Variants in LTBP1 observed in about 807,000 individuals in gnomAD.
The protein encoded by LTBP1 is latent transforming growth factor beta binding protein 1.
LTBP1 carries 129 observed loss-of-function variants against 207.6 expected under a neutral mutation model. That is an observed-to-expected ratio of 0.62 (90% CI 0.54 to 0.72). LTBP1 has a LOEUF of 0.72. Among genes scored for constraint, LTBP1 ranks in the 30% least tolerant of loss-of-function variants. The probability of loss-of-function intolerance (pLI) is 0.00; values close to 1 mark genes in which losing one functional copy is unlikely to be tolerated. For missense variants in LTBP1, 2,281 were observed against 2,217.2 expected, an observed-to-expected ratio of 1.03 and a Z score of -0.58; for synonymous variants, 963 against 833.7, an observed-to-expected ratio of 1.16 and a Z score of -2.67.
At chr2:33,249,786 G>C (rs74480116) in intron 10 of LTBP1, among the ~76,000 whole-genome samples, 4,299 of 152,250 alleles carry the variant, frequency 0.028, 221 homozygotes, top group African/African-American at 0.097. Context: ...AATAGGATCT[G>C]ACAAAGTACT....
intron 2 of LTBP1, among the ~76,000 whole-genome samples, chr2:32,969,473 G>A (rs923719505): frequency 6.6e-6 from 1 of 151,726 alleles, no homozygotes; most frequent in East Asian, 1.9e-4. Context: ...TCTTCTTTAT[G>A]TCCATGTGTA....
intron 2 of LTBP1, among the ~76,000 whole-genome samples, chr2:32,949,640 GA>G (rs1363609251): frequency 1.3e-5 from 2 of 152,176 alleles, no homozygotes; most frequent in African/African-American, 4.8e-5. Context: ...TCTTCTTGAC[GA>G]ATTGATGCTA....
At chr2:33,276,145 C>T (rs2093422217) in intron 18 of LTBP1, among the ~76,000 whole-genome samples, 1 of 151,996 alleles carries the variant, frequency 6.6e-6, no homozygotes, top group Non-Finnish European at 1.5e-5. Flanking sequence ...TCAATATCTG[C>T]CTCTCTGGTA....
At chr2:33,214,568 C>T (rs1445039911) in intron 7 of LTBP1, among the ~76,000 whole-genome samples, 2 of 152,274 alleles carry the variant, frequency 1.3e-5, no homozygotes, top group African/African-American at 4.8e-5. Flanking sequence ...ATCTGTGGCC[C>T]TGCCGCTGTT....
intron 31 of LTBP1, among the ~76,000 whole-genome samples, chr2:33,366,943 A>G (rs1193495210): frequency 6.6e-6 from 1 of 152,152 alleles, no homozygotes; most frequent in African/African-American, 2.4e-5. Flanking sequence ...CAAAAATCAC[A>G]TGTATTCCTC....
intron 19 of LTBP1, among the ~76,000 whole-genome samples, chr2:33,288,726 GCACCTGTAGTCC>G (rs2093715182): frequency 6.6e-6 from 1 of 151,908 alleles, no homozygotes; most frequent in Non-Finnish European, 1.5e-5. Context: ...GTGCTGGCAG[GCACCTGTAGTCC>G]CAGCTACTCA....
intron 10 of LTBP1, among the ~76,000 whole-genome samples, chr2:33,248,357 C>T (rs956299453): frequency 6.6e-6 from 1 of 152,112 alleles, no homozygotes; most frequent in Non-Finnish European, 1.5e-5. Context: ...AGGGATCTTT[C>T]CAACAGTCAT....
Position 33,243,677 on chromosome 2 carries a change from A to G in LTBP1, c.1892A>G (p.Gln631Arg). ...NTFCQDINECQLQGVCPNGEC... is the reference protein window; with the variant it reads ...NTFCQDINECRLQGVCPNGEC... ...TTTCCTGCAGATATTAATGAATGTC[A>G]GCTACAAGGTGTATGCCCTAATGGT... The change falls in exon 10 of 34, where the codon CAG (glutamine) becomes CGG (arginine). Residue 631 changes from glutamine (Q) to arginine (R), a missense_variant. Transcript: ENST00000404816. 1.9e-6 allele frequency: 3 copies of G among 1,613,674 alleles called. No homozygotes were observed. Among genetic ancestry groups the G allele is most frequent in the Non-Finnish European group, 2.5e-6 (3 of 1,179,822 alleles).
chr2:33,352,281 ACCACCACGCCC>A (rs2094792388), intron 26 of LTBP1, among the ~76,000 whole-genome samples: 1 of 151,970 alleles, frequency 6.6e-6, no homozygotes. Flanking sequence ...ATAGGAGCAT[ACCACCACGCCC>A]GGCTAATTTT....
intron 31 of LTBP1, among the ~76,000 whole-genome samples, chr2:33,382,157 C>T (rs868028040): frequency 1.6e-5 from 2 of 121,828 alleles, no homozygotes; most frequent in Admixed American, 1.1e-4. Flanking sequence ...TGCAGTGGTG[C>T]GATCTCGGTT....
intron 3 of LTBP1, among the ~76,000 whole-genome samples, chr2:33,108,013 A>G (rs898114226): frequency 2.0e-5 from 3 of 152,206 alleles, no homozygotes; most frequent in Non-Finnish European, 2.9e-5. Flanking sequence ...AGTAAAGAGG[A>G]TATGTATTTG....
At chr2:33,345,999 C>T (rs2094696378) in intron 25 of LTBP1, among the ~76,000 whole-genome samples, 1 of 152,196 alleles carries the variant, frequency 6.6e-6, no homozygotes, top group Non-Finnish European at 1.5e-5. Context: ...GGGCTGTGTA[C>T]TTGCAAAATG....
At position 32,947,748 on chromosome 2, in the gene LTBP1, A is replaced by C; in HGVS notation, c.424A>C (p.Lys142Gln). ...TKQGRQVVRS[K>Q]VPQETQSGGG... ...ACAAGGCAGGCAAGTTGTGCGCTCC[A>C]AGGTGCCGCAGGAGACCCAGAGCGG... The change falls in exon 1 of 34, where the codon AAG becomes CAG. Residue 142 changes from lysine (K) to glutamine (Q), a missense_variant. Around this residue, in one of 3 missense-constraint regions of LTBP1, gnomAD observed 555 missense variants for 491.0 expected, o/e 1.13. Transcript: ENST00000404816. The C allele has an allele frequency of 6.5e-7, 1 of 1,534,526 alleles. No individual in the cohort carries two copies. The highest frequency in any genetic ancestry group is 8.8e-7 in the Non-Finnish European group (1 of 1,142,076).
At chr2:32,964,702 A>G (rs560012740) in intron 2 of LTBP1, among the ~76,000 whole-genome samples, 1 of 152,296 alleles carries the variant, frequency 6.6e-6, no homozygotes, top group Non-Finnish European at 1.5e-5. Flanking sequence ...CCTAAATACT[A>G]AGTAAATCAA....
rs965576610 is a variant in LTBP1 at position 33,273,694 on chromosome 2, G to A, written c.2656G>A (p.Ala886Thr). 1.2e-6 allele frequency: 2 copies of A among 1,611,364 alleles called. No individual in the cohort carries two copies. The highest frequency in any genetic ancestry group is 1.7e-6 in the Non-Finnish European group (2 of 1,178,312). Residue 886 changes from alanine (A) to threonine (T), a missense_variant, in exon 16 of 34, where the codon GCA (alanine) becomes ACA (threonine). By Grantham distance (58) the Ala-to-Thr change is moderately conservative. Around this residue, in one of 3 missense-constraint regions of LTBP1, gnomAD observed 1,671 missense variants for 1,634.8 expected, o/e 1.02. Coordinates refer to ENST00000404816, the MANE Select transcript of LTBP1 (RefSeq NM_206943.4). ...TACTGTGAACCCTGATATCTGTGGA[G>A]CAGGACACTGCATTAACCTACCAGT... is the stretch of plus-strand genomic sequence containing the variant. ...ECTVNPDICG[A>T]GHCINLPVRY...
chr2:33,107,823 T>A (rs2080155147), intron 3 of LTBP1, among the ~76,000 whole-genome samples: 1 of 151,802 alleles, frequency 6.6e-6, no homozygotes, highest in African/African-American at 2.4e-5. Context: ...TCTAATTTTC[T>A]CTTCAAAAGT....
intron 4 of LTBP1, among the ~76,000 whole-genome samples, chr2:33,119,424 C>G (rs1225291983): frequency 6.6e-6 from 1 of 152,116 alleles, no homozygotes; most frequent in Admixed American, 6.5e-5. Flanking sequence ...AGATGTTTCC[C>G]AGGGACTTAA....
chr2:33,343,607 C>T (rs919491906), intron 25 of LTBP1, among the ~76,000 whole-genome samples: 1 of 152,166 alleles, frequency 6.6e-6, no homozygotes, highest in Non-Finnish European at 1.5e-5. Context: ...CTTTGAAATG[C>T]ATCCCCTTAG....
At chr2:33,101,980 C>T (rs887069935) in intron 3 of LTBP1, among the ~76,000 whole-genome samples, 2 of 152,218 alleles carry the variant, frequency 1.3e-5, no homozygotes, top group East Asian at 3.9e-4. Flanking sequence ...GTAGCTTTGA[C>T]AATTAAACAT....
Sources: gnomAD v4.1 joint callset for allele counts (sites outside exome capture counted in the v4.1 genomes callset) on GRCh38, gnomAD v4.1.1 for gene constraint, gnomAD v4.1.1 regional missense constraint, MANE v1.5 for transcripts, NCBI Gene and HGNC (gene_info 2026-07-23, HGNC 2026-07-21) for gene names.